Variants in HSPA12A observed in about 807,000 individuals in gnomAD.
The protein encoded by HSPA12A is heat shock protein family A (Hsp70) member 12A.
A neutral mutation model predicts 69.2 loss-of-function variants in HSPA12A; 28 were observed. The observed-to-expected ratio is 0.40, with a 90% confidence interval of 0.30 to 0.55. The LOEUF is 0.55. Among genes scored for constraint, HSPA12A ranks in the 20% least tolerant of loss-of-function variants. The pLI is 0.38. For missense variants in HSPA12A, 686 were observed against 900.7 expected (o/e 0.76, Z 3.05); for synonymous variants, 345 against 370.5 (o/e 0.93, Z 0.79).
intron 1 of HSPA12A, among the ~76,000 whole-genome samples, chr10:116,717,699 A>C (rs1049068320): frequency 2.0e-5 from 3 of 152,134 alleles, no homozygotes; most frequent in African/African-American, 7.2e-5. Flanking sequence ...AAATCGTTCC[A>C]ACTGCTGCTG....
At chr10:116,752,421 C>T (rs1315612480) in intron 2 of HSPA12A, among the ~76,000 whole-genome samples, 1 of 152,200 alleles carries the variant, frequency 6.6e-6, no homozygotes, top group East Asian at 1.9e-4. Context: ...CATTCAGCCT[C>T]TCTCTCACTT....
At chr10:116,688,075 T>C (rs1291397969) in intron 6 of HSPA12A, among the ~76,000 whole-genome samples, 2 of 152,240 alleles carry the variant, frequency 1.3e-5, no homozygotes, top group African/African-American at 2.4e-5. Context: ...TCTTCCAATG[T>C]GGCCCACGGA....
chr10:116,826,378 T>C (rs1482699042), intron 2 of HSPA12A, among the ~76,000 whole-genome samples: 2 of 152,210 alleles, frequency 1.3e-5, no homozygotes, highest in African/African-American at 4.8e-5. Flanking sequence ...CAAGAGGTGC[T>C]TAATAAGTAT....
chr10:116,711,966 C>T (rs1554883150), intron 1 of HSPA12A, among the ~76,000 whole-genome samples: 2 of 152,068 alleles, frequency 1.3e-5, no homozygotes, highest in Non-Finnish European at 2.9e-5. Flanking sequence ...GGATTACAGG[C>T]GTGAGCCACT....
intron 1 of HSPA12A, chr10:116,849,540 C>A: frequency 1.3e-6 from 2 of 1,494,496 alleles, no homozygotes; most frequent in Non-Finnish European, 1.8e-6. Flanking sequence ...CCAGGCTAAA[C>A]CCCGCTGTAG....
intron 5 of HSPA12A, among the ~76,000 whole-genome samples, chr10:116,694,530 G>A (rs932861330): frequency 6.6e-5 from 10 of 152,128 alleles, no homozygotes; most frequent in South Asian, 2.1e-4. Context: ...TTCTGGGGCC[G>A]TTCCCTCCAC....
At position 116,675,206 on chromosome 10, in the gene HSPA12A, G is replaced by GCGGCGAC. The variant is rs1849194755; in HGVS notation, c.1596_1602dup (p.Leu535ValfsTer21). 6.2e-7 allele frequency: 1 copy of GCGGCGAC among 1,613,606 alleles called. No individual in the cohort carries two copies. Among genetic ancestry groups the GCGGCGAC allele is most frequent in the African/African-American group, 1.3e-5 (1 of 74,934 alleles). On this transcript the variant is annotated frameshift_variant, in exon 12 of 12. Transcript: ENST00000369209. LOFTEE classifies it high-confidence loss of function. The surrounding 1 kb of genome is among the most constrained non-coding windows in gnomAD (Gnocchi z 5.2). Reference sequence around the variant, plus strand: ...TTCAGCACGCCTACCCCGTAGGTGAGCGGCGACCGGCGCACCTTGATGACC... The same window carrying GCGGCGAC: ...TTCAGCACGCCTACCCCGTAGGTGAGCGGCGACCGGCGACCGGCGCACCTTGATGACC...
chr10:116,830,861 T>C (rs1343599523), intron 2 of HSPA12A: 1 of 152,362 alleles, frequency 6.6e-6, no homozygotes, highest in Non-Finnish European at 1.5e-5. Flanking sequence ...TGCATATATA[T>C]ATAAAGAGCA....
intron 2 of HSPA12A, among the ~76,000 whole-genome samples, chr10:116,788,923 T>C (rs1416492004): frequency 6.6e-6 from 1 of 150,474 alleles, no homozygotes; most frequent in East Asian, 2.0e-4. Flanking sequence ...TGGAGTGCAG[T>C]GGCAAGATCT....
chr10:116,772,102 G>T (rs1554890552), intron 2 of HSPA12A, among the ~76,000 whole-genome samples: 1 of 152,178 alleles, frequency 6.6e-6, no homozygotes, highest in African/African-American at 2.4e-5. Flanking sequence ...GGGAGCGGGG[G>T]TAGTGGCGAG....
chr10:116,814,398 C>T (rs1845257516), intron 2 of HSPA12A, among the ~76,000 whole-genome samples: 1 of 152,192 alleles, frequency 6.6e-6, no homozygotes. Context: ...GCCTCCTAGC[C>T]TTTCCCTTAT....
intron 2 of HSPA12A, chr10:116,832,111 T>C (rs1156424717): frequency 6.6e-6 from 1 of 152,176 alleles, no homozygotes; most frequent in Non-Finnish European, 1.5e-5. Context: ...GAACGTGTGA[T>C]ACGGTCTCAA....
At chr10:116,773,044 G>A (rs552891836) in intron 2 of HSPA12A, among the ~76,000 whole-genome samples, 18 of 152,256 alleles carry the variant, frequency 1.2e-4, no homozygotes, top group South Asian at 2.1e-4. Context: ...AGTCAGGACC[G>A]GGGACCCTAG....
chr10:116,718,022 C>G (rs1183773996), intron 1 of HSPA12A, among the ~76,000 whole-genome samples: 1 of 152,176 alleles, frequency 6.6e-6, no homozygotes, highest in Non-Finnish European at 1.5e-5. Flanking sequence ...TTGAGCCTTC[C>G]TGTATTCTAC....
intron 2 of HSPA12A, among the ~76,000 whole-genome samples, chr10:116,752,462 T>C (rs1554888456): frequency 6.6e-6 from 1 of 152,120 alleles, no homozygotes; most frequent in Non-Finnish European, 1.5e-5. Flanking sequence ...ATTCTCTCCT[T>C]CCATCAGACA....
intron 2 of HSPA12A, 91 bp from the exon 3 acceptor site, chr10:116,705,369 T>C: frequency 1.4e-6 from 2 of 1,402,642 alleles, no homozygotes; most frequent in South Asian, 2.3e-5. Context: ...TGCCTAGCTG[T>C]GAACCCCCTG....
intron 2 of HSPA12A, among the ~76,000 whole-genome samples, chr10:116,811,874 C>T (rs1328396864): frequency 2.0e-5 from 3 of 152,308 alleles, no homozygotes; most frequent in East Asian, 3.9e-4. Context: ...TCAAGTGCCA[C>T]CGCAGGGATT....
At chr10:116,764,539 T>C (rs1452516124) in intron 2 of HSPA12A, among the ~76,000 whole-genome samples, 1 of 152,158 alleles carries the variant, frequency 6.6e-6, no homozygotes, top group Non-Finnish European at 1.5e-5. Flanking sequence ...AATATACATA[T>C]ATATTTATGT....
intron 1 of HSPA12A, among the ~76,000 whole-genome samples, chr10:116,836,917 G>A (rs1172554398): frequency 6.8e-6 from 1 of 147,210 alleles, no homozygotes; most frequent in Admixed American, 6.6e-5. Flanking sequence ...ACCCATATAG[G>A]GTCCAGTGTG....
Sources: gnomAD v4.1 joint callset for allele counts (sites outside exome capture counted in the v4.1 genomes callset) on GRCh38, gnomAD v4.1.1 for gene constraint, Gnocchi (gnomAD v3.1) non-coding constraint, MANE v1.5 for transcripts, NCBI Gene and HGNC (gene_info 2026-07-23, HGNC 2026-07-21) for gene names.